The following TRIM44 variants were observed in gnomAD, a reference collection of about 807,000 sequenced individuals.
TRIM44 encodes tripartite motif containing 44.
In TRIM44, 13 loss-of-function variants were observed where a neutral mutation model predicts 37.4. The observed-to-expected ratio is 0.35, with a 90% confidence interval of 0.23 to 0.55. The LOEUF is 0.55. Ranked by LOEUF, TRIM44 falls within the 20% of genes least tolerant of loss-of-function variation. TRIM44 has a pLI of 0.89. For missense variants in TRIM44, 426 were observed against 437.2 expected, an observed-to-expected ratio of 0.97 and a Z score of 0.23; for synonymous variants, 175 against 157.2, an observed-to-expected ratio of 1.11 and a Z score of -0.85.
intron 2 of TRIM44, 39 bp from the exon 3 acceptor site, chr11:35,725,885 A>G (rs764499588): frequency 4.4e-6 from 7 of 1,604,084 alleles, no homozygotes; most frequent in Non-Finnish European, 6.0e-6. Flanking sequence ...GTTTCTTTGT[A>G]TGTTCAACTT....
intron 1 of TRIM44, among the ~76,000 whole-genome samples, chr11:35,678,214 T>C (rs1298845064): frequency 1.3e-5 from 2 of 152,186 alleles, no homozygotes; most frequent in Non-Finnish European, 2.9e-5. Context: ...TTCTTAAAAC[T>C]TCTCTTTGGT....
Position 35,705,024 on chromosome 11 carries a change from G to A in TRIM44, c.747+19688G>A, listed in dbSNP as rs367600479. 6.5e-4 allele frequency among the ~76,000 whole-genome samples: 96 copies of A among 148,172 alleles called. 1 individual carries two copies. The highest frequency in any genetic ancestry group is 6.0e-3 in the South Asian group (27 of 4,466). Reference sequence around the variant, plus strand: ...GCTGTATTCAGGAAACCCATCTCACGTGCAGAGACACACATAGGCTCAAAA... The same window carrying A: ...GCTGTATTCAGGAAACCCATCTCACATGCAGAGACACACATAGGCTCAAAA... On this transcript the variant is annotated intron_variant, in intron 2 of 4. Transcript: ENST00000299413.
intron 1 of TRIM44, among the ~76,000 whole-genome samples, chr11:35,677,057 A>G (rs986223560): frequency 6.6e-6 from 1 of 152,152 alleles, no homozygotes; most frequent in African/African-American, 2.4e-5. Flanking sequence ...ATATTGTTTC[A>G]TTTGATCCTT....
chr11:35,685,180 A>C, intron 1 of TRIM44, 79 bp from the exon 2 acceptor site: 1 of 1,240,926 alleles, frequency 8.1e-7, no homozygotes, highest in South Asian at 1.3e-5. Flanking sequence ...TTTCTATTTC[A>C]TTGTCTTCCA....
chr11:35,756,212 G>C (rs2133856371), intron 4 of TRIM44, among the ~76,000 whole-genome samples: 1 of 151,956 alleles, frequency 6.6e-6, no homozygotes, highest in South Asian at 2.1e-4. Context: ...CCTTGAAGAG[G>C]TCCTTCACAT....
At chr11:35,717,143 A>G (rs1173146451) in intron 2 of TRIM44, among the ~76,000 whole-genome samples, 3 of 152,216 alleles carry the variant, frequency 2.0e-5, no homozygotes, top group Admixed American at 2.0e-4. Flanking sequence ...AAATCTAGGC[A>G]TAGGAGCCAT....
intron 4 of TRIM44, among the ~76,000 whole-genome samples, chr11:35,740,958 C>T (rs927050738): frequency 2.2e-4 from 33 of 152,086 alleles, no homozygotes; most frequent in Admixed American, 5.2e-4. Context: ...AATGAATAAC[C>T]ATATGTTCTT....
intron 2 of TRIM44, among the ~76,000 whole-genome samples, chr11:35,696,508 A>G (rs1851700420): frequency 6.6e-6 from 1 of 151,916 alleles, no homozygotes; most frequent in South Asian, 2.1e-4. Context: ...TTTCCGAATC[A>G]TCTGTCTCTT....
intron 2 of TRIM44, among the ~76,000 whole-genome samples, chr11:35,701,267 TC>T (rs949764633): frequency 5.3e-5 from 8 of 152,094 alleles, no homozygotes; most frequent in Non-Finnish European, 1.2e-4. Flanking sequence ...CTGTTTTTTT[TC>T]CCCCCGAAAC....
At chr11:35,802,987 A>G (rs1170713595) in intron 4 of TRIM44, among the ~76,000 whole-genome samples, 1 of 152,158 alleles carries the variant, frequency 6.6e-6, no homozygotes, top group Non-Finnish European at 1.5e-5. Flanking sequence ...TTTATTCAGG[A>G]TAAGAAGGAA....
intron 4 of TRIM44, among the ~76,000 whole-genome samples, chr11:35,745,580 C>T (rs979567392): frequency 6.6e-6 from 1 of 152,072 alleles, no homozygotes; most frequent in Non-Finnish European, 1.5e-5. Flanking sequence ...TACCATAGAC[C>T]AGTTGATATA....
rs1292073046 is a variant in TRIM44, at chr11:35,809,471, T to C, written c.*3086T>C. 1 of 152,202 alleles carries C rather than the reference T, an allele frequency of 6.6e-6. No individual in the cohort carries two copies. 9.4% of individuals were successfully genotyped at this position (152,202 alleles called of 1,614,324 possible). Reference sequence around the variant, plus strand: ...TTAGGGCTCAGAAATGGCATTGAGGTAGCCTTATTTCTCCCCTTTAGCAGA... The same window carrying C: ...TTAGGGCTCAGAAATGGCATTGAGGCAGCCTTATTTCTCCCCTTTAGCAGA... On this transcript the variant is annotated 3_prime_UTR_variant, in exon 5 of 5. Transcript: ENST00000299413.
Position 35,726,196 on chromosome 11 carries a change from G to T in TRIM44, c.987+33G>T, listed in dbSNP as rs201752847. ...AAAAGCCCATAATTATTAGTAGCAA[G>T]AGAAATAGGAGGAAACTGATGCCAT... is the stretch of plus-strand genomic sequence containing the variant. On this transcript the variant is annotated intron_variant, in intron 3 of 4. Coordinates refer to ENST00000299413, the MANE Select transcript of TRIM44 (RefSeq NM_017583.6). The T allele has an allele frequency of 4.4e-6, 7 of 1,606,084 alleles. No homozygotes were observed. In the African/African-American group the frequency reaches 9.4e-5, roughly 21 times the overall value.
chr11:35,813,259 CAA>C lies in TRIM44; in HGVS notation c.*6877_*6878del, dbSNP rs1853546744. 6.6e-6 allele frequency: 1 copy of C among 152,192 alleles called. No individual in the cohort carries two copies. The highest frequency in any genetic ancestry group is 2.4e-5 in the African/African-American group (1 of 41,460). The allele number at this position is 152,192 out of a possible 1,614,324, so 9.4% of individuals were successfully genotyped here. On this transcript the variant is annotated 3_prime_UTR_variant, in exon 5 of 5. Transcript: ENST00000299413. Reference sequence around the variant, plus strand: ...TTTACCTATCCCTATTTCCTGAACACAAAATCTAAACCAGTGGTTTGACAATG... The same window carrying C: ...TTTACCTATCCCTATTTCCTGAACACAATCTAAACCAGTGGTTTGACAATG...
chr11:35,760,773 T>C (rs1035305434), intron 4 of TRIM44, among the ~76,000 whole-genome samples: 2 of 152,216 alleles, frequency 1.3e-5, no homozygotes, highest in African/African-American at 4.8e-5. Context: ...ATGCATTATC[T>C]CACATTATCA....
intron 2 of TRIM44, among the ~76,000 whole-genome samples, chr11:35,687,520 C>G (rs1191930714): frequency 6.6e-6 from 1 of 152,194 alleles, no homozygotes; most frequent in Non-Finnish European, 1.5e-5. Context: ...TGGAGCAACT[C>G]CTGTTCTGCA....
intron 2 of TRIM44, among the ~76,000 whole-genome samples, chr11:35,705,422 T>A (rs1168264456): frequency 6.6e-6 from 1 of 152,168 alleles, no homozygotes; most frequent in African/African-American, 2.4e-5. Context: ...CTAATAGACA[T>A]CTACAGAATT....
intron 1 of TRIM44, among the ~76,000 whole-genome samples, chr11:35,665,251 G>T (rs1851318151): frequency 6.6e-6 from 1 of 151,962 alleles, no homozygotes; most frequent in Non-Finnish European, 1.5e-5. Context: ...ATAAACGCAG[G>T]AGTGAAATTG....
chr11:35,710,304 A>G (rs181865669), intron 2 of TRIM44, among the ~76,000 whole-genome samples: 1 of 152,322 alleles, frequency 6.6e-6, no homozygotes, highest in African/African-American at 2.4e-5. Flanking sequence ...TCTCTTATAA[A>G]TGGATACAAT....
Sources: gnomAD v4.1 joint callset for allele counts (sites outside exome capture counted in the v4.1 genomes callset) on GRCh38, gnomAD v4.1.1 for gene constraint, MANE v1.5 for transcripts, NCBI Gene and HGNC (gene_info 2026-07-23, HGNC 2026-07-21) for gene names.